The following CPA6 variants were observed in gnomAD, a reference collection of about 807,000 sequenced individuals.
The protein encoded by CPA6 is carboxypeptidase A6.
Under a neutral mutation model 63.3 loss-of-function variants are expected in CPA6, and 58 were observed. The observed-to-expected ratio is 0.92, with a 90% confidence interval of 0.74 to 1.14. The LOEUF (loss-of-function observed/expected upper bound fraction) is 1.14, where lower values mean the gene tolerates loss of function less well. Among genes scored for constraint, CPA6 ranks in the 50% most tolerant of loss-of-function variants. The probability of loss-of-function intolerance (pLI) is 0.00; values close to 1 mark genes in which losing one functional copy is unlikely to be tolerated. For missense variants in CPA6, 565 were observed against 526.6 expected (o/e 1.07, Z -0.71); for synonymous variants, 185 against 179.0 (o/e 1.03, Z -0.27).
intron 8 of CPA6, among the ~76,000 whole-genome samples, chr8:67,465,440 G>A (rs1190952483): frequency 6.6e-6 from 1 of 152,104 alleles, no homozygotes. Context: ...CACATTATTT[G>A]TAAAGAGAGC....
At chr8:67,432,416 T>C (rs1444275429) in intron 9 of CPA6, among the ~76,000 whole-genome samples, 6 of 152,132 alleles carry the variant, frequency 3.9e-5, no homozygotes, top group Non-Finnish European at 5.9e-5. Context: ...CCCCCATACA[T>C]TGCCGTATGC....
At chr8:67,630,745 C>A (rs1472443364) in intron 1 of CPA6, among the ~76,000 whole-genome samples, 1 of 152,222 alleles carries the variant, frequency 6.6e-6, no homozygotes, top group Admixed American at 6.5e-5. Flanking sequence ...GGGCAGGAAC[C>A]AGGGCTGCGC....
intron 1 of CPA6, among the ~76,000 whole-genome samples, chr8:67,646,502 C>T (rs188251024): frequency 6.6e-6 from 1 of 152,142 alleles, no homozygotes; most frequent in Admixed American, 6.5e-5. Context: ...ACCGAGCAAA[C>T]CTCTCTGGAG....
intron 6 of CPA6, among the ~76,000 whole-genome samples, chr8:67,495,204 C>T (rs1246801312): frequency 6.6e-6 from 1 of 152,202 alleles, no homozygotes; most frequent in Non-Finnish European, 1.5e-5. Context: ...GCTCCCCCAA[C>T]TTCAATGACA....
At chr8:67,591,705 A>G (rs1353568596) in intron 2 of CPA6, among the ~76,000 whole-genome samples, 1 of 152,156 alleles carries the variant, frequency 6.6e-6, no homozygotes, top group Non-Finnish European at 1.5e-5. Flanking sequence ...ATTGGTGTAT[A>G]AGAAGGCTTG....
chr8:67,560,763 C>T (rs1333447706), intron 2 of CPA6, among the ~76,000 whole-genome samples: 4 of 152,090 alleles, frequency 2.6e-5, no homozygotes, highest in Non-Finnish European at 1.5e-5. Context: ...AAATGGGTTG[C>T]TAGGCCACCT....
At position 67,637,981 on chromosome 8, in the gene CPA6, T is replaced by TGTG. The variant is rs1563372142; in HGVS notation, c.117-13731_117-13730insCAC. 9.0e-3 allele frequency among the ~76,000 whole-genome samples: 1,313 copies of TGTG among 146,666 alleles called. 38 individuals carry two copies. Among genetic ancestry groups the TGTG allele is most frequent in the African/African-American group, 0.019 (747 of 38,448 alleles). On this transcript the variant is annotated intron_variant, in intron 1 of 10. Transcript: ENST00000297770. The stretch of plus-strand genomic sequence containing the variant: ...AAAGCCCTTAGTAATGCTAGAAATT[T>TGTG]TGTGTGTGTGTGTGTGTGTGTGTGT...
rs188453859 is a variant in CPA6 at position 67,539,786 on chromosome 8, A to G, written c.193-21739T>C. Reference sequence around the variant, plus strand: ...TGGTATCCTTTCTTTTGCTTGATCAATTCAGCTATTGATAGTTTTGCATGC... The same window carrying G: ...TGGTATCCTTTCTTTTGCTTGATCAGTTCAGCTATTGATAGTTTTGCATGC... On this transcript the variant is annotated intron_variant, in intron 2 of 10. Coordinates refer to ENST00000297770, the MANE Select transcript of CPA6 (RefSeq NM_020361.5). Among the ~76,000 whole-genome samples, 126 of 152,186 alleles carry G rather than the reference A, an allele frequency of 8.3e-4. 1 individual carries two copies. Among genetic ancestry groups the G allele is most frequent in the Admixed American group, 2.1e-3 (32 of 15,280 alleles).
intron 2 of CPA6, among the ~76,000 whole-genome samples, chr8:67,522,571 A>G (rs909690612): frequency 6.6e-6 from 1 of 152,232 alleles, no homozygotes. Context: ...GGCGGTGGGA[A>G]TGAGTGAGCT....
At chr8:67,565,598 T>C (rs560815949) in intron 2 of CPA6, among the ~76,000 whole-genome samples, 2 of 152,314 alleles carry the variant, frequency 1.3e-5, no homozygotes, top group Admixed American at 6.5e-5. Context: ...CATCACAAAA[T>C]ACCACTTCTT....
At chr8:67,457,829 C>T (rs1389992133) in intron 8 of CPA6, among the ~76,000 whole-genome samples, 1 of 152,146 alleles carries the variant, frequency 6.6e-6, no homozygotes, top group African/African-American at 2.4e-5. Context: ...ACAGCCACAG[C>T]CCCATCCCTC....
chr8:67,475,586 A>G (rs1811154153), intron 8 of CPA6, among the ~76,000 whole-genome samples: 4 of 152,176 alleles, frequency 2.6e-5, no homozygotes, highest in South Asian at 4.1e-4. Context: ...GCTTGTTTCA[A>G]TGGCCACATG....
In CPA6 at chr8:67,629,030, G is replaced by A. The variant is rs1008459225; in HGVS notation, c.117-4779C>T. Among the ~76,000 whole-genome samples, 12 of 152,102 alleles carry A rather than the reference G, an allele frequency of 7.9e-5. No individual in the cohort carries two copies. In the East Asian group the frequency reaches 9.6e-4, roughly 12 times the overall value. On this transcript the variant is annotated intron_variant, in intron 1 of 10. Coordinates refer to ENST00000297770, the MANE Select transcript of CPA6 (RefSeq NM_020361.5). ...CTCTGGAGGCTAAGGCAGGAGAATC[G>A]CTTGAACCTGGCAGGCAGAAGTTGC...
At chr8:67,512,062 G>A (rs1057151423) in intron 3 of CPA6, among the ~76,000 whole-genome samples, 4 of 152,052 alleles carry the variant, frequency 2.6e-5, no homozygotes, top group African/African-American at 9.7e-5. Context: ...CTTGTTATTG[G>A]TATTTATAAA....
intron 8 of CPA6, among the ~76,000 whole-genome samples, chr8:67,439,440 T>A (rs1388750726): frequency 4.0e-5 from 6 of 151,608 alleles, no homozygotes; most frequent in Admixed American, 3.9e-4. Context: ...TACAAAAAAA[T>A]TAGCCAGGTA....
At chr8:67,536,287 A>C (rs1342814411) in intron 2 of CPA6, among the ~76,000 whole-genome samples, 2 of 152,198 alleles carry the variant, frequency 1.3e-5, no homozygotes, top group East Asian at 1.9e-4. Flanking sequence ...TACTTCTGGA[A>C]GTATGGCTAT....
intron 1 of CPA6, among the ~76,000 whole-genome samples, chr8:67,728,284 C>T (rs943965017): frequency 2.0e-5 from 3 of 152,220 alleles, no homozygotes; most frequent in African/African-American, 4.8e-5. Context: ...ACTTCTAAAC[C>T]TCATTGGGGA....
chr8:67,714,027 T>A (rs1362769320), intron 1 of CPA6, among the ~76,000 whole-genome samples: 1 of 151,006 alleles, frequency 6.6e-6, no homozygotes, highest in Non-Finnish European at 1.5e-5. Context: ...CATGTTAAAA[T>A]TTTTTTTTTA....
chr8:67,556,203 A>G (rs1036807729), intron 2 of CPA6, among the ~76,000 whole-genome samples: 1 of 152,200 alleles, frequency 6.6e-6, no homozygotes, highest in African/African-American at 2.4e-5. Context: ...GGGATTTATT[A>G]TGGGAGATGG....
Sources: allele counts gnomAD v4.1 joint callset (sites outside exome capture counted in the v4.1 genomes callset), GRCh38; gene constraint gnomAD v4.1.1; transcripts MANE v1.5; gene names NCBI Gene and HGNC (gene_info 2026-07-23, HGNC 2026-07-21).